ATR: variants seen among roughly 807,000 people sequenced by gnomAD.
ATR encodes the protein serine/threonine-protein kinase ATR.
Under a neutral mutation model 305.3 loss-of-function variants are expected in ATR, and 142 were observed. That is an observed-to-expected ratio of 0.47 (90% CI 0.41 to 0.53). The LOEUF (loss-of-function observed/expected upper bound fraction) is 0.53, where lower values mean the gene tolerates loss of function less well. Ranked by LOEUF, ATR falls within the 20% of genes least tolerant of loss-of-function variation. The pLI is 0.00. For missense variants in ATR, 2,135 were observed against 3,133.1 expected (o/e 0.68, Z 7.60); for synonymous variants, 1,050 against 1,068.1 (o/e 0.98, Z 0.33).
intron 20 of ATR, among the ~76,000 whole-genome samples, 172 bp from the exon 21 acceptor site, chr3:142,535,377 G>A (rs187275533): frequency 4.6e-5 from 7 of 152,152 alleles, no homozygotes; most frequent in Admixed American, 4.6e-4. Context: ...TAGTAATTCT[G>A]AGGGAAAGGG....
At chr3:142,491,395 C>T (rs2108322553) in intron 35 of ATR, among the ~76,000 whole-genome samples, 1 of 152,252 alleles carries the variant, frequency 6.6e-6, no homozygotes, top group Non-Finnish European at 1.5e-5. Flanking sequence ...AGAAACAGAA[C>T]CTGAAAAGTT....
Position 142,578,712 on chromosome 3 carries a change from C to A in ATR, c.-8G>T, listed in dbSNP as rs1392852823. On this transcript the variant is annotated 5_prime_UTR_variant, in exon 1 of 47. Coordinates refer to ENST00000350721, the MANE Select transcript of ATR (RefSeq NM_001184.4). ...CAGGCCATGTTCCCCCATGCTGAGG[C>A]TGCGAGGCACTAGTCAACCACGCCA... is the stretch of plus-strand genomic sequence containing the variant. 3.1e-6 allele frequency: 5 copies of A among 1,612,908 alleles called. No individual in the cohort carries two copies. Among genetic ancestry groups the A allele is most frequent in the African/African-American group, 1.3e-5 (1 of 75,050 alleles).
intron 19 of ATR, among the ~76,000 whole-genome samples, chr3:142,537,886 G>A (rs2033915806): frequency 6.6e-6 from 1 of 152,136 alleles, no homozygotes; most frequent in Non-Finnish European, 1.5e-5. Context: ...AAAATTATGG[G>A]GGAAGATAGT....
chr3:142,559,846 T>C (rs977642637), intron 6 of ATR, among the ~76,000 whole-genome samples: 1 of 152,206 alleles, frequency 6.6e-6, no homozygotes, highest in African/African-American at 2.4e-5. Flanking sequence ...TAGTGAGCCA[T>C]GATCATGCCA....
At position 142,553,265 on chromosome 3, in the gene ATR, G is replaced by T. The variant is rs1203058753; in HGVS notation, c.2767C>A (p.Gln923Lys). Residue 923 changes from glutamine to lysine, a missense_variant, in exon 13 of 47, where the codon CAA becomes AAA. Around this residue, in one of 9 missense-constraint regions of ATR, gnomAD observed 530 missense variants for 766.8 expected, o/e 0.69. Coordinates refer to ENST00000350721, the MANE Select transcript of ATR (RefSeq NM_001184.4). ...ALVAAKSVKL[Q>K]SFFSQYKKPI... is the part of the protein sequence containing the mutation. ...TTCTTATACTGGCTGAAAAAACTTT[G>T]CAGTTTAACACTTTTAGCTGCAACC... 6.2e-7 allele frequency: 1 copy of T among 1,613,886 alleles called. No individual in the cohort carries two copies. Among genetic ancestry groups the T allele is most frequent in the African/African-American group, 1.3e-5 (1 of 74,858 alleles).
rs2031932537 is a variant in ATR, at chr3:142,501,054, T to G, written c.5289-1336A>C. Among the ~76,000 whole-genome samples the G allele has an allele frequency of 4.6e-5, 7 of 152,316 alleles. No individual in the cohort carries two copies. In the South Asian group the frequency reaches 1.4e-3, roughly 32 times the overall value. The stretch of plus-strand genomic sequence containing the variant: ...ATAAATAGGGCAGGCACAGTCAATA[T>G]TTTAGGAAAAATATTTGTTTAATGC... On this transcript the variant is annotated intron_variant, in intron 30 of 46. Transcript: ENST00000350721.
chr3:142,521,633 C>G (rs901458076), intron 23 of ATR, among the ~76,000 whole-genome samples: 2 of 152,132 alleles, frequency 1.3e-5, no homozygotes, highest in African/African-American at 4.8e-5. Flanking sequence ...CCAACCCCTC[C>G]TGGATAACTC....
At chr3:142,474,304 G>T (rs1261131741) in intron 36 of ATR, among the ~76,000 whole-genome samples, 1 of 151,756 alleles carries the variant, frequency 6.6e-6, no homozygotes, top group East Asian at 1.9e-4. Flanking sequence ...AAACTACATT[G>T]AATCTGTAGA....
At chr3:142,539,853 G>A (rs2033985954) in intron 18 of ATR, among the ~76,000 whole-genome samples, 1 of 152,100 alleles carries the variant, frequency 6.6e-6, no homozygotes, top group African/African-American at 2.4e-5. Flanking sequence ...TTCATCAACT[G>A]CAATGAAATA....
chr3:142,485,847 T>C (rs2030886403), intron 35 of ATR, among the ~76,000 whole-genome samples: 1 of 152,226 alleles, frequency 6.6e-6, no homozygotes, highest in Non-Finnish European at 1.5e-5. Context: ...CTACCTCACA[T>C]TGATTCCTAA....
Position 142,535,191 on chromosome 3 carries a change from G to T in ATR, c.3834C>A (p.Ser1278Arg). The T allele has an allele frequency of 6.2e-7, 1 of 1,613,062 alleles. No homozygotes were observed. The highest frequency in any genetic ancestry group is 8.5e-7 in the Non-Finnish European group (1 of 1,179,370). Residue 1278 changes from serine (S) to arginine (R), a missense_variant, in exon 21 of 47, where the codon AGC (serine) becomes AGA (arginine). Transcript: ENST00000350721. ...GCTGAAGAGTTGTCTGAAGATCAGTGCTCTCAGAGGTCTCCTATATACAAA... is the reference window on the plus strand; with the variant it reads ...GCTGAAGAGTTGTCTGAAGATCAGTTCTCTCAGAGGTCTCCTATATACAAA... ...LQEYRKETSE[S>R]TDLQTTLQLS...
intron 36 of ATR, among the ~76,000 whole-genome samples, chr3:142,482,392 C>T (rs1164816391): frequency 1.3e-5 from 2 of 152,158 alleles, no homozygotes; most frequent in Non-Finnish European, 2.9e-5. Flanking sequence ...TTTAAAAATA[C>T]TCACTATACA....
chr3:142,514,717 G>A (rs2032777606), intron 25 of ATR, among the ~76,000 whole-genome samples: 1 of 145,692 alleles, frequency 6.9e-6, no homozygotes. Flanking sequence ...TGAGGCGGGA[G>A]AATCACTTGA....
intron 21 of ATR, 113 bp from the exon 22 acceptor site, chr3:142,524,312 T>C (rs1435147371): frequency 9.0e-7 from 1 of 1,106,610 alleles, no homozygotes; most frequent in Non-Finnish European, 1.3e-6. Flanking sequence ...ATTGACAAAA[T>C]TAAATTTCTG....
chr3:142,540,169 T>G (rs1325975091), intron 18 of ATR, among the ~76,000 whole-genome samples: 1 of 152,102 alleles, frequency 6.6e-6, no homozygotes, highest in Admixed American at 6.5e-5. Context: ...AAATTAGCTA[T>G]TCGCCAAATC....
At chr3:142,452,319 A>G (rs1490095818) in intron 46 of ATR, 43 of 987,548 alleles carry the variant, frequency 4.4e-5, no homozygotes, top group Non-Finnish European at 4.9e-5. Flanking sequence ...AAGACTTATT[A>G]AAGATGTAAG....
intron 35 of ATR, among the ~76,000 whole-genome samples, chr3:142,491,985 T>C (rs2031306947): frequency 6.6e-6 from 1 of 152,232 alleles, no homozygotes; most frequent in Non-Finnish European, 1.5e-5. Context: ...TGCTTCTTCA[T>C]TCACAGAGTA....
intron 1 of ATR, among the ~76,000 whole-genome samples, chr3:142,572,618 T>C (rs2035311999): frequency 6.6e-6 from 1 of 151,026 alleles, no homozygotes; most frequent in Admixed American, 6.6e-5. Flanking sequence ...ACAAAAGAAA[T>C]AGAAAAATGA....
At position 142,499,633 on chromosome 3, in the gene ATR, C is replaced by T. The variant is rs1400794830; in HGVS notation, c.5374G>A (p.Ala1792Thr). ...SQWDLVENYLAADGKSTTWSV... is the reference protein window; with the variant it reads ...SQWDLVENYLTADGKSTTWSV... Reference sequence around the variant, plus strand: ...TTTTAAGAAGTAATTTTACCTGCTGCCAAATAGTTTTCCACCAAATCCCAC... The same window carrying T: ...TTTTAAGAAGTAATTTTACCTGCTGTCAAATAGTTTTCCACCAAATCCCAC... Residue 1792 changes from alanine to threonine, a missense_variant, in exon 31 of 47, where the codon GCA (alanine) becomes ACA (threonine). Ala to Thr is a moderately conservative substitution (Grantham distance 58). Around this residue, in one of 9 missense-constraint regions of ATR, gnomAD observed 117 missense variants for 198.3 expected, o/e 0.59. Transcript: ENST00000350721. 2 of 1,613,794 alleles carry T rather than the reference C, an allele frequency of 1.2e-6. No homozygotes were observed. Among genetic ancestry groups the T allele is most frequent in the Non-Finnish European group, 1.7e-6 (2 of 1,179,792 alleles).
Sources: gnomAD v4.1 joint callset for allele counts (sites outside exome capture counted in the v4.1 genomes callset) on GRCh38, gnomAD v4.1.1 for gene constraint, gnomAD v4.1.1 regional missense constraint, MANE v1.5 for transcripts, NCBI Gene and HGNC (gene_info 2026-07-23, HGNC 2026-07-21) for gene names.